Variants in RSL1D1 observed in about 807,000 individuals in gnomAD.
The protein encoded by RSL1D1 is ribosomal L1 domain-containing protein 1.
In RSL1D1, 34 loss-of-function variants were observed where a neutral mutation model predicts 44.6. The observed-to-expected ratio is 0.76, with a 90% CI of 0.58 to 1.02. The LOEUF is 1.02. Among genes scored for constraint, RSL1D1 ranks in the 50% least tolerant of loss-of-function variants. The pLI is 0.00. For synonymous variants in RSL1D1, 271 were observed against 207.4 expected, an observed-to-expected ratio of 1.31 and a Z score of -2.63; for missense variants, 767 against 568.1, an observed-to-expected ratio of 1.35 and a Z score of -3.56.
At chr16:11,850,090 G>C (rs973197967) in intron 2 of RSL1D1, among the ~76,000 whole-genome samples, 189 bp downstream of exon 2, 8 of 152,194 alleles carry the variant, frequency 5.3e-5, no homozygotes, top group African/African-American at 1.4e-4. Flanking sequence ...GCCTCCCAAA[G>C]TGCTGGGATT....
At chr16:11,847,944 GAAC>G (rs1596442754) in intron 2 of RSL1D1, 138 bp from the exon 3 acceptor site, 1 of 845,308 alleles carries the variant, frequency 1.2e-6, no homozygotes, top group South Asian at 1.5e-5. Context: ...AATGCACCAA[GAAC>G]AACACTTAAA....
In RSL1D1 at chr16:11,837,716, G is replaced by T; in HGVS notation, c.*71C>A. 2 of 1,351,558 alleles carry T rather than the reference G, an allele frequency of 1.5e-6. No individual in the cohort carries two copies. The highest frequency in any genetic ancestry group is 2.0e-6 in the Non-Finnish European group (2 of 978,770). The allele number at this position is 1,351,558 out of a possible 1,614,324, so 83.7% of individuals were successfully genotyped here. Reference sequence around the variant, plus strand: ...ACGTTTAGAGAAGGTTACAAAGGCGGCCAGGATCTGAGTATTTCCAAAAAG... The same window carrying T: ...ACGTTTAGAGAAGGTTACAAAGGCGTCCAGGATCTGAGTATTTCCAAAAAG... On this transcript the variant is annotated 3_prime_UTR_variant, in exon 9 of 9. Coordinates refer to ENST00000571133, the MANE Select transcript of RSL1D1 (RefSeq NM_015659.3).
chr16:11,842,948 A>G (rs1270401694), intron 5 of RSL1D1, among the ~76,000 whole-genome samples: 2 of 126,698 alleles, frequency 1.6e-5, no homozygotes, highest in African/African-American at 6.2e-5. Context: ...TTTGAGATGC[A>G]GTTTCACTCG....
rs745533235 is a variant in RSL1D1, at chr16:11,850,280, A to G, written c.244T>C (p.Leu82=). The G allele has an allele frequency of 2.5e-6, 4 of 1,573,216 alleles. No individual in the cohort carries two copies. The highest frequency in any genetic ancestry group is 3.4e-6 in the Non-Finnish European group (4 of 1,167,678). The change falls in exon 2 of 9, where the codon TTG becomes CTG. Residue 82 remains leucine (L), a splice_region_variant and synonymous_variant. Transcript: ENST00000571133. ...KIPSKELRVR[L]TLPHSIRSDS... ...CAAAGGTAGAAAATCACAACTTACA[A>G]TCTGACCCTCAGTTCTTTACTTGGA...
In RSL1D1 at chr16:11,837,775, G is replaced by C. The variant is rs79641596; in HGVS notation, c.*12C>G. Reference sequence around the variant, plus strand: ...GCAGCATTGAGGTTTCCTTCCAGTTGAATCACTGACTTTAGGTCGACTGGG... The same window carrying C: ...GCAGCATTGAGGTTTCCTTCCAGTTCAATCACTGACTTTAGGTCGACTGGG... On this transcript the variant is annotated 3_prime_UTR_variant, in exon 9 of 9. Coordinates refer to ENST00000571133, the MANE Select transcript of RSL1D1 (RefSeq NM_015659.3). 4 of 1,588,602 alleles carry C rather than the reference G, an allele frequency of 2.5e-6. No homozygotes were observed. The highest frequency in any genetic ancestry group is 1.8e-5 in the Admixed American group (1 of 54,562).
At position 11,839,491 on chromosome 16, in the gene RSL1D1, TAAGACC is replaced by T. The variant is rs576373414; in HGVS notation, c.1146+198_1146+203del. On this transcript the variant is annotated intron_variant, in intron 8 of 8. Transcript: ENST00000571133. The stretch of plus-strand genomic sequence containing the variant: ...GAAGACTGTTTTGACCCCCGGAGTG[TAAGACC>T]GGTCTGGGCAATATAGCAAGATCCC... Among the ~76,000 whole-genome samples the T allele has an allele frequency of 2.3e-3, 316 of 137,724 alleles. 2 individuals carry two copies. Among genetic ancestry groups the T allele is most frequent in the Non-Finnish European group, 1.1e-3 (75 of 65,242 alleles). The allele number at this position is 137,724 out of a possible 152,430, so 90.4% of individuals were successfully genotyped here. A position where few individuals can be genotyped will look rare whatever the true frequency, so the allele number is the denominator to read the frequency against.
At chr16:11,844,012 C>T (rs2053782132) in intron 5 of RSL1D1, among the ~76,000 whole-genome samples, 2 of 151,990 alleles carry the variant, frequency 1.3e-5, no homozygotes, top group Admixed American at 1.3e-4. Context: ...GGGCTCAGCG[C>T]TGGGGCCAGA....
At chr16:11,841,231 G>A (rs1490378892) in intron 7 of RSL1D1, among the ~76,000 whole-genome samples, 15 of 152,014 alleles carry the variant, frequency 9.9e-5, no homozygotes, top group African/African-American at 4.8e-5. Flanking sequence ...GAAACAGGGC[G>A]ACCATGTGTG....
rs1359866037 is a variant in RSL1D1 at position 11,839,801 on chromosome 16, T to G, written c.1040A>C (p.Lys347Thr). 5 of 1,614,180 alleles carry G rather than the reference T, an allele frequency of 3.1e-6. No homozygotes were observed. The highest frequency in any genetic ancestry group is 4.2e-6 in the Non-Finnish European group (5 of 1,180,040). Residue 347 changes from lysine to threonine, a missense_variant, in exon 8 of 9, where the codon AAA becomes ACA. Transcript: ENST00000571133. ...AACTTGGGCTTTTCCTCTGCCACGT[T>G]TTTTCTTCCCATGCTCTGGGGTCTG... is the stretch of plus-strand genomic sequence containing the variant. ...KEQTPEHGKK[K>T]RGRGKAQVKA...
intron 2 of RSL1D1, chr16:11,849,499 G>A (rs1434949172): frequency 6.6e-6 from 1 of 151,880 alleles, no homozygotes; most frequent in African/African-American, 2.4e-5. Context: ...TAAAATACAA[G>A]GGTTTAACTC....
chr16:11,845,710 T>C (rs928836078), intron 5 of RSL1D1, among the ~76,000 whole-genome samples: 1 of 151,224 alleles, frequency 6.6e-6, no homozygotes, highest in African/African-American at 2.4e-5. Context: ...AACATTGTTC[T>C]AGAGAACTGA....
intron 1 of RSL1D1, 68 bp downstream of exon 1, chr16:11,851,340 C>T: frequency 2.0e-6 from 3 of 1,468,384 alleles, no homozygotes; most frequent in East Asian, 2.3e-5. Context: ...ACTCGGGTTC[C>T]GGCACCCTGC....
In RSL1D1 at chr16:11,839,756, T is replaced by C; in HGVS notation, c.1085A>G (p.Glu362Gly). 1 of 1,614,168 alleles carries C rather than the reference T, an allele frequency of 6.2e-7. No homozygotes were observed. Among genetic ancestry groups the C allele is most frequent in the Admixed American group, 1.7e-5 (1 of 60,008 alleles). ...KAQVKATNES[E>G]DEIPQLVPIG... is the part of the protein sequence containing the mutation. ...TGGTACCAGCTGTGGGATTTCGTCT[T>C]CGGATTCATTTGTTGCTTTAACTTG... Residue 362 changes from glutamate to glycine, a missense_variant, in exon 8 of 9, where the codon GAA (glutamate) becomes GGA (glycine). Glu to Gly is a moderately conservative substitution (Grantham distance 98). Transcript: ENST00000571133.
At chr16:11,851,017 G>C (rs917433555) in intron 1 of RSL1D1, 2 of 317,138 alleles carry the variant, frequency 6.3e-6, no homozygotes, top group African/African-American at 4.4e-5. Context: ...CCATGTACCA[G>C]GCCAAAGCGC....
chr16:11,839,131 C>G (rs985066370), intron 8 of RSL1D1, among the ~76,000 whole-genome samples: 2 of 151,656 alleles, frequency 1.3e-5, no homozygotes, highest in Admixed American at 1.3e-4. Context: ...TTTGGGAGGA[C>G]AAGGCGGGCG....
Position 11,837,684 on chromosome 16 carries a change from A to G in RSL1D1, c.*103T>C. On this transcript the variant is annotated 3_prime_UTR_variant, in exon 9 of 9. Coordinates refer to ENST00000571133, the MANE Select transcript of RSL1D1 (RefSeq NM_015659.3). Reference sequence around the variant, plus strand: ...AGGTTTTAAAAAATCTTTTAAGTCCAGGCCTGACGTTTAGAGAAGGTTACA... The same window carrying G: ...AGGTTTTAAAAAATCTTTTAAGTCCGGGCCTGACGTTTAGAGAAGGTTACA... 2 of 1,085,354 alleles carry G rather than the reference A, an allele frequency of 1.8e-6. No individual in the cohort carries two copies. The highest frequency in any genetic ancestry group is 2.7e-6 in the Non-Finnish European group (2 of 742,302). The allele number at this position is 1,085,354 out of a possible 1,614,324, so 67.2% of individuals were successfully genotyped here.
chr16:11,848,497 TC>T (rs1204012531), intron 2 of RSL1D1, among the ~76,000 whole-genome samples: 1 of 152,204 alleles, frequency 6.6e-6, no homozygotes, highest in Non-Finnish European at 1.5e-5. Context: ...TCTTTAAAAC[TC>T]TTAGCTCCAT....
chr16:11,846,537 C>T lies in RSL1D1; in HGVS notation c.599G>A (p.Gly200Glu), dbSNP rs1490268343. The change falls in exon 5 of 9, where the codon GGA becomes GAA. Residue 200 changes from glycine (G) to glutamate (E), a missense_variant. Coordinates refer to ENST00000571133, the MANE Select transcript of RSL1D1 (RefSeq NM_015659.3). ...ACTTTTAGAAATGTTTAAGACTGTT[C>T]CACCTATACAGTCATTGATCTCTCT... ...LSREINDCIG[G>E]TVLNISKSGS... The T allele has an allele frequency of 6.9e-6, 11 of 1,602,528 alleles. No homozygotes were observed. Among genetic ancestry groups the T allele is most frequent in the Non-Finnish European group, 8.5e-6 (10 of 1,174,882 alleles).
chr16:11,839,992 A>G lies in RSL1D1; in HGVS notation c.856-7T>C. ...TTCGTTTTCTCCTTGCCTCCTACCA[A>G]AAAACACCATACAAACATTTTAGCA... On this transcript the variant is annotated splice_polypyrimidine_tract_variant and splice_region_variant and intron_variant, in intron 7 of 8. Transcript: ENST00000571133. 6.2e-7 allele frequency: 1 copy of G among 1,610,114 alleles called. No individual in the cohort carries two copies. The highest frequency in any genetic ancestry group is 1.7e-5 in the Admixed American group (1 of 59,124).
Sources: allele counts gnomAD v4.1 joint callset (sites outside exome capture counted in the v4.1 genomes callset), GRCh38; gene constraint gnomAD v4.1.1; transcripts MANE v1.5; gene names NCBI Gene and HGNC (gene_info 2026-07-23, HGNC 2026-07-21).